Variants in SHROOM4 observed in about 807,000 individuals in gnomAD.
The protein encoded by SHROOM4 is shroom family member 4, also known as protein Shroom4.
A neutral mutation model predicts 80.3 loss-of-function variants in SHROOM4; 17 were observed. The observed-to-expected ratio is 0.21, with a 90% CI of 0.14 to 0.32. The LOEUF (loss-of-function observed/expected upper bound fraction) is 0.32. Among genes scored for constraint, SHROOM4 ranks in the 10% least tolerant of loss-of-function variants. The probability of loss-of-function intolerance (pLI) is 1.00; values close to 1 mark genes in which losing one functional copy is unlikely to be tolerated. For missense variants in SHROOM4, 993 were observed against 1,140.3 expected (o/e 0.87, Z 1.86); for synonymous variants, 400 against 437.5 (o/e 0.91, Z 1.07).
At chrX:50,627,735 TC>T in intron 4 of SHROOM4, 60 bp from the exon 5 acceptor site, 1 of 991,812 alleles carries the variant, frequency 1.0e-6, no homozygotes, top group Non-Finnish European at 1.4e-6. Flanking sequence ...CTAGATGGCC[TC>T]AAAAATGTGA....
chrX:50,723,210 A>C (rs913198606), intron 1 of SHROOM4, among the ~76,000 whole-genome samples: 2 of 100,565 alleles, frequency 2.0e-5, no homozygotes, highest in African/African-American at 3.6e-5. Context: ...TTGGAATTTC[A>C]GGAATGAAAT....
chrX:50,797,196 G>A (rs1936034277), intron 1 of SHROOM4, among the ~76,000 whole-genome samples: 1 of 111,162 alleles, frequency 9.0e-6, no homozygotes, highest in Non-Finnish European at 1.9e-5. Flanking sequence ...AGAAGATGCA[G>A]AAACAGGAGA....
chrX:50,652,349 T>A (rs1401696459), intron 2 of SHROOM4, among the ~76,000 whole-genome samples: 1 of 112,546 alleles, frequency 8.9e-6, no homozygotes, highest in Non-Finnish European at 1.9e-5. Context: ...ATAAGCTTTT[T>A]TTCATGTTTG....
intron 1 of SHROOM4, among the ~76,000 whole-genome samples, chrX:50,812,605 C>T (rs1569549436): frequency 9.0e-6 from 1 of 110,926 alleles, no homozygotes; most frequent in Non-Finnish European, 1.9e-5. Flanking sequence ...AGAGTGTGGG[C>T]CCCAAGGCCT....
At chrX:50,600,497 T>C (rs782255717) in intron 7 of SHROOM4, among the ~76,000 whole-genome samples, 4 of 111,477 alleles carry the variant, frequency 3.6e-5, no homozygotes, top group Admixed American at 9.5e-5. Context: ...ACCTACCTCA[T>C]AGAGTTGTTA....
intron 1 of SHROOM4, among the ~76,000 whole-genome samples, chrX:50,716,324 CT>C (rs1475105745): frequency 9.0e-6 from 1 of 111,131 alleles, no homozygotes; most frequent in Non-Finnish European, 1.9e-5. Flanking sequence ...GTATCATATT[CT>C]TGAAAATCAC....
Position 50,745,922 on chromosome X carries a change from A to G in SHROOM4, c.118-49985T>C, listed in dbSNP as rs1045857965. On this transcript the variant is annotated intron_variant, in intron 1 of 8. Transcript: ENST00000376020. The stretch of plus-strand genomic sequence containing the variant: ...TCCAGATACTTTGAATGGTTGTTTT[A>G]CATCATCTTCTACCATTTTAATGGT... Among the ~76,000 whole-genome samples, 13 of 111,377 alleles carry G rather than the reference A, an allele frequency of 1.2e-4. 1 individual carries two copies. The highest frequency in any genetic ancestry group is 2.1e-4 in the Non-Finnish European group (11 of 53,103).
intron 5 of SHROOM4, among the ~76,000 whole-genome samples, chrX:50,608,565 G>A (rs782463489): frequency 8.9e-5 from 10 of 111,826 alleles, no homozygotes; most frequent in Non-Finnish European, 1.3e-4. Flanking sequence ...TAGCTCCAAA[G>A]TCTGGATATA....
intron 1 of SHROOM4, among the ~76,000 whole-genome samples, chrX:50,715,994 G>C (rs1557264790): frequency 9.0e-6 from 1 of 110,559 alleles, no homozygotes; most frequent in East Asian, 2.8e-4. Context: ...AAATGTGGTA[G>C]ATATATACAA....
intron 1 of SHROOM4, among the ~76,000 whole-genome samples, chrX:50,735,792 G>C (rs781795723): frequency 1.1e-3 from 125 of 111,285 alleles, no homozygotes; most frequent in African/African-American, 3.9e-3. Context: ...CGGATCACGA[G>C]GTCAGGAGTT....
chrX:50,742,029 T>C (rs1934670414), intron 1 of SHROOM4, among the ~76,000 whole-genome samples: 1 of 111,176 alleles, frequency 9.0e-6, no homozygotes, highest in Admixed American at 9.7e-5. Flanking sequence ...AAAATACATA[T>C]TATAATTTTT....
chrX:50,668,281 C>T (rs1238240267), intron 2 of SHROOM4, among the ~76,000 whole-genome samples: 2 of 111,254 alleles, frequency 1.8e-5, no homozygotes, highest in East Asian at 5.7e-4. Flanking sequence ...GTGTTAGAAC[C>T]TCCACCACTG....
chrX:50,749,461 G>C (rs1557267892), intron 1 of SHROOM4, among the ~76,000 whole-genome samples: 4 of 111,766 alleles, frequency 3.6e-5, no homozygotes, highest in Non-Finnish European at 3.8e-5. Context: ...TCACAGTTTA[G>C]TAGTAGAGAG....
At chrX:50,770,429 T>C (rs1935371987) in intron 1 of SHROOM4, among the ~76,000 whole-genome samples, 1 of 111,913 alleles carries the variant, frequency 8.9e-6, no homozygotes, top group African/African-American at 3.3e-5. Context: ...CAACATACTG[T>C]GTTTCAAGGC....
intron 2 of SHROOM4, among the ~76,000 whole-genome samples, chrX:50,662,779 C>A (rs1174599971): frequency 1.8e-5 from 2 of 111,159 alleles, no homozygotes; most frequent in African/African-American, 6.5e-5. Context: ...TAAAAACTTA[C>A]TGAAAAATTG....
intron 1 of SHROOM4, among the ~76,000 whole-genome samples, chrX:50,708,922 A>C (rs1557264184): frequency 8.9e-6 from 1 of 111,962 alleles, no homozygotes; most frequent in African/African-American, 3.2e-5. Flanking sequence ...GATATAAGCA[A>C]GGAGGAAGAA....
chrX:50,813,160 T>TGGCGGCGGCGGCAGTGGCGGC (rs1557273615), intron 1 of SHROOM4, among the ~76,000 whole-genome samples: 1 of 101,999 alleles, frequency 9.8e-6, no homozygotes, highest in African/African-American at 3.5e-5. Context: ...GCGGCGGCAG[T>TGGCGGCGGCGGCAGTGGCGGC]GGCGGCGGCG....
chrX:50,806,020 T>C (rs1359129872), intron 1 of SHROOM4, among the ~76,000 whole-genome samples: 1 of 98,557 alleles, frequency 1.0e-5, no homozygotes, highest in Non-Finnish European at 2.0e-5. Flanking sequence ...AAGGGCTCAC[T>C]GTGACCAAAA....
intron 5 of SHROOM4, among the ~76,000 whole-genome samples, chrX:50,616,420 TA>T (rs1380504500): frequency 1.8e-5 from 2 of 111,891 alleles, no homozygotes; most frequent in Admixed American, 1.9e-4. Flanking sequence ...CTTTTATATT[TA>T]TTTTTTTCTA....
Sources: gnomAD v4.1 joint callset for allele counts (sites outside exome capture counted in the v4.1 genomes callset) on GRCh38, gnomAD v4.1.1 for gene constraint, MANE v1.5 for transcripts, NCBI Gene and HGNC (gene_info 2026-07-23, HGNC 2026-07-21) for gene names.